The following PDIA5 variants were observed in gnomAD, a reference collection of about 807,000 sequenced individuals.
PDIA5 encodes protein disulfide-isomerase A5.
PDIA5 carries 58 observed loss-of-function variants against 77.6 expected under a neutral mutation model. The observed-to-expected ratio is 0.75, with a 90% CI of 0.61 to 0.93. PDIA5 has a LOEUF of 0.93. Ranked by LOEUF, PDIA5 falls within the 40% of genes least tolerant of loss-of-function variation. The probability of loss-of-function intolerance (pLI) is 0.00; values close to 1 mark genes in which losing one functional copy is unlikely to be tolerated. For synonymous variants in PDIA5, 250 were observed against 252.1 expected (o/e 0.99, Z 0.08); for missense variants, 630 against 647.7 (o/e 0.97, Z 0.30).
In PDIA5 at chr3:123,151,420, G is replaced by T. The variant is rs982685151; in HGVS notation, c.1273+1056G>T. On this transcript the variant is annotated intron_variant, in intron 14 of 16. Transcript: ENST00000316218. ...GGCAAGTTAGTGGCAGGCCCCTCCC[G>T]CAGCCTGGATGGCTCTCTCTATGTC... Among the ~76,000 whole-genome samples, 14 of 152,256 alleles carry T rather than the reference G, an allele frequency of 9.2e-5. No homozygotes were observed. The East Asian group carries it at 2.7e-3, about 29-fold the overall frequency.
chr3:123,137,972 G>A (rs967138290), intron 11 of PDIA5, among the ~76,000 whole-genome samples: 7 of 152,094 alleles, frequency 4.6e-5, no homozygotes, highest in African/African-American at 1.7e-4. Flanking sequence ...TTGAGACAGG[G>A]TCTCACTCTG....
chr3:123,070,563 G>T (rs186201879), intron 1 of PDIA5, among the ~76,000 whole-genome samples: 17 of 152,318 alleles, frequency 1.1e-4, no homozygotes, highest in Non-Finnish European at 1.6e-4. Flanking sequence ...TTCCAGGCTG[G>T]GTGTCTGTGC....
Position 123,126,615 on chromosome 3 carries a change from G to A in PDIA5, c.773+2272G>A, listed in dbSNP as rs149997438. On this transcript the variant is annotated intron_variant, in intron 10 of 16. Transcript: ENST00000316218. ...GTTTTCCCGGTCCCACATGGATTAA[G>A]CCTTTTCCAGTTTCCCCTCACATCC... Among the ~76,000 whole-genome samples the A allele has an allele frequency of 4.7e-3, 722 of 152,292 alleles. 1 individual carries two copies. Among genetic ancestry groups the A allele is most frequent in the Middle Eastern group, 0.01 (3 of 294 alleles).
chr3:123,132,947 A>C (rs1935404479), intron 11 of PDIA5, among the ~76,000 whole-genome samples: 1 of 152,124 alleles, frequency 6.6e-6, no homozygotes. Flanking sequence ...AGTGAGAGGG[A>C]TCAGGGCAAA....
At chr3:123,131,524 G>GC (rs1360988217) in intron 11 of PDIA5, among the ~76,000 whole-genome samples, 1 of 150,208 alleles carries the variant, frequency 6.7e-6, no homozygotes, top group African/African-American at 2.5e-5. Flanking sequence ...GCGGGCTGAG[G>GC]CCCCAGGAGA....
intron 8 of PDIA5, among the ~76,000 whole-genome samples, chr3:123,118,405 G>A (rs774370246): frequency 9.2e-5 from 14 of 152,084 alleles, no homozygotes; most frequent in Admixed American, 2.6e-4. Context: ...TCAACTTCCC[G>A]AATTCTGTGC....
rs1934337286 is a variant in PDIA5 at position 123,092,933 on chromosome 3, C to T, written c.257+491C>T. Among the ~76,000 whole-genome samples the T allele has an allele frequency of 2.0e-5, 3 of 152,142 alleles. No homozygotes were observed. In the South Asian group the frequency reaches 6.2e-4, roughly 31 times the overall value. On this transcript the variant is annotated intron_variant, in intron 3 of 16. Coordinates refer to ENST00000316218, the MANE Select transcript of PDIA5 (RefSeq NM_006810.4). ...AATCAGTGGGTCAAGCTGTCTATGCCTTGGCTTCTGAGGGGGCCCAGGCCT... is the reference window on the plus strand; with the variant it reads ...AATCAGTGGGTCAAGCTGTCTATGCTTTGGCTTCTGAGGGGGCCCAGGCCT...
At chr3:123,118,111 C>T (rs908362402) in intron 8 of PDIA5, among the ~76,000 whole-genome samples, 2 of 152,222 alleles carry the variant, frequency 1.3e-5, no homozygotes, top group African/African-American at 2.4e-5. Context: ...CGGCCCTGCT[C>T]GCCAAGCTGC....
At chr3:123,082,575 G>C (rs1346716026) in intron 1 of PDIA5, among the ~76,000 whole-genome samples, 1 of 152,076 alleles carries the variant, frequency 6.6e-6, no homozygotes, top group Non-Finnish European at 1.5e-5. Flanking sequence ...GTGTGTACGT[G>C]TTCGCTCCTT....
chr3:123,124,027 G>A (rs1393718589), intron 8 of PDIA5, 39 bp from the exon 9 acceptor site: 5 of 1,319,076 alleles, frequency 3.8e-6, no homozygotes, highest in Admixed American at 3.4e-5. Context: ...GTGTCTGTGG[G>A]GCACAGGCTC....
chr3:123,083,570 C>T (rs1934065287), intron 1 of PDIA5, among the ~76,000 whole-genome samples: 2 of 152,136 alleles, frequency 1.3e-5, no homozygotes, highest in African/African-American at 2.4e-5. Context: ...CGATTGACTT[C>T]GAATGTAAAG....
At chr3:123,117,374 T>TATATATATATATA (rs1935019779) in intron 8 of PDIA5, among the ~76,000 whole-genome samples, 5 of 79,876 alleles carry the variant, frequency 6.3e-5, no homozygotes, top group South Asian at 1.2e-3. Context: ...TTCTATGATT[T>TATATATATATATA]TATATATATA....
intron 15 of PDIA5, among the ~76,000 whole-genome samples, chr3:123,155,535 CT>C (rs1936001487): frequency 6.6e-6 from 1 of 152,182 alleles, no homozygotes; most frequent in Non-Finnish European, 1.5e-5. Flanking sequence ...AGTGCAGGGC[CT>C]CCAGGCGCGT....
intron 8 of PDIA5, among the ~76,000 whole-genome samples, chr3:123,120,622 G>A (rs1377713675): frequency 6.6e-6 from 1 of 152,060 alleles, no homozygotes; most frequent in East Asian, 1.9e-4. Context: ...TAGCTCCATG[G>A]AGCCCAAGTC....
chr3:123,103,242 C>T (rs1255943090), intron 5 of PDIA5, among the ~76,000 whole-genome samples: 2 of 152,148 alleles, frequency 1.3e-5, no homozygotes, highest in Non-Finnish European at 2.9e-5. Flanking sequence ...TGAGGAGTTC[C>T]CTGCTATCAA....
chr3:123,097,824 A>G (rs1418572153), intron 3 of PDIA5, among the ~76,000 whole-genome samples: 1 of 152,162 alleles, frequency 6.6e-6, no homozygotes, highest in Non-Finnish European at 1.5e-5. Flanking sequence ...GGTGGGAGGA[A>G]GAGAGTTATC....
chr3:123,100,609 G>A (rs1934565279), intron 3 of PDIA5, among the ~76,000 whole-genome samples: 1 of 152,194 alleles, frequency 6.6e-6, no homozygotes, highest in African/African-American at 2.4e-5. Flanking sequence ...GGACTAGTAG[G>A]GAGGAAACCC....
chr3:123,159,026 A>G (rs1936088132), intron 15 of PDIA5, among the ~76,000 whole-genome samples: 1 of 152,226 alleles, frequency 6.6e-6, no homozygotes, highest in Non-Finnish European at 1.5e-5. Flanking sequence ...CAGCTAGTTT[A>G]GGTGATTCAG....
intron 8 of PDIA5, 82 bp downstream of exon 8, chr3:123,116,380 A>T (rs891920899): frequency 9.6e-7 from 1 of 1,042,910 alleles, no homozygotes; most frequent in East Asian, 2.4e-5. Context: ...GGGTGGGGAC[A>T]GGTTTTGAAA....
Sources: gnomAD v4.1 joint callset for allele counts (sites outside exome capture counted in the v4.1 genomes callset) on GRCh38, gnomAD v4.1.1 for gene constraint, MANE v1.5 for transcripts, NCBI Gene and HGNC (gene_info 2026-07-23, HGNC 2026-07-21) for gene names.